Variants in ZNF705B observed in about 807,000 individuals in gnomAD.
The protein encoded by ZNF705B is Putative zinc finger protein 705D-like protein LOC100132396.
Under a neutral mutation model 10.5 loss-of-function variants are expected in ZNF705B, and 1 was observed. The observed-to-expected ratio is 0.10, with a 90% CI of 0.03 to 0.45. The LOEUF is 0.45. Among genes scored for constraint, ZNF705B ranks in the 20% least tolerant of loss-of-function variants. The pLI is 0.97. For synonymous variants in ZNF705B, 4 were observed against 25.4 expected, an observed-to-expected ratio of 0.16 and a Z score of 2.53; for missense variants, 14 against 84.0, an observed-to-expected ratio of 0.17 and a Z score of 3.26.
chr8:7,935,863 C>A (rs2698894), intron 2 of ZNF705B, among the ~76,000 whole-genome samples: 54 of 76,514 alleles, frequency 7.1e-4, no homozygotes, highest in South Asian at 2.5e-3. Flanking sequence ...TCAGCTATTA[C>A]GTATAGTAGT....
chr8:7,934,537 C>CGTCCCGACAGGAGCT, intron 2 of ZNF705B: 1 of 767,514 alleles, frequency 1.3e-6, no homozygotes, highest in Admixed American at 3.5e-5. Flanking sequence ...CGACAGGAGC[C>CGTCCCGACAGGAGCT]ATTTGGACGT....
intron 2 of ZNF705B, among the ~76,000 whole-genome samples, chr8:7,944,966 A>G (rs540382998): frequency 0.047 from 1,496 of 32,058 alleles, 17 homozygotes; most frequent in Middle Eastern, 0.075. Context: ...GTGAAACTCT[A>G]CCAAAAAAAA....
intron 2 of ZNF705B, among the ~76,000 whole-genome samples, chr8:7,936,757 T>A (rs1383396420): frequency 8.3e-6 from 1 of 119,936 alleles, no homozygotes; most frequent in African/African-American, 2.6e-5. Flanking sequence ...GAAAAGCTAC[T>A]CTTTGGGTAC....
intron 2 of ZNF705B, among the ~76,000 whole-genome samples, chr8:7,937,602 A>C (rs1820050852): frequency 8.2e-6 from 1 of 122,122 alleles, no homozygotes. Flanking sequence ...TGATTAAAAA[A>C]AATCAAACCC....
At position 7,928,393 on chromosome 8, in the gene ZNF705B, C is replaced by A. The variant is rs1458023581; in HGVS notation, c.-221-1894C>A. Among the ~76,000 whole-genome samples the A allele has an allele frequency of 2.5e-5, 3 of 120,984 alleles. 1 individual carries two copies. The highest frequency in any genetic ancestry group is 7.5e-5 in the African/African-American group (3 of 39,808). 79.4% of individuals were successfully genotyped at this position (120,984 alleles called of 152,430 possible). On this transcript the variant is annotated intron_variant, in intron 1 of 6. Coordinates refer to ENST00000400120, the MANE Select transcript of ZNF705B (RefSeq NM_001193630.1). Reference sequence around the variant, plus strand: ...TCATTCATGTATTGATTCTTTCATTCAAGTGTCATTTGTTTAAACAAATAC... The same window carrying A: ...TCATTCATGTATTGATTCTTTCATTAAAGTGTCATTTGTTTAAACAAATAC...
At position 7,929,685 on chromosome 8, in the gene ZNF705B, T is replaced by G. The variant is rs191832391; in HGVS notation, c.-221-602T>G. ...AGCTTTTTCTCTCTAGCTGAATTGT[T>G]GTCGTTGTTGTTGTTCTTCTTCTTT... On this transcript the variant is annotated intron_variant, in intron 1 of 6. Coordinates refer to ENST00000400120, the MANE Select transcript of ZNF705B (RefSeq NM_001193630.1). Among the ~76,000 whole-genome samples the G allele has an allele frequency of 4.2e-4, 49 of 117,570 alleles. 9 individuals carry two copies. In the East Asian group the frequency reaches 0.012, roughly 28 times the overall value. 77.1% of individuals were successfully genotyped at this position (117,570 alleles called of 152,430 possible).
At chr8:7,929,143 T>A (rs1206238208) in intron 1 of ZNF705B, among the ~76,000 whole-genome samples, 1 of 121,728 alleles carries the variant, frequency 8.2e-6, no homozygotes, top group African/African-American at 2.5e-5. Flanking sequence ...ATGTAGCACT[T>A]TCATATCTTG....
rs1217215054 is a variant in ZNF705B, at chr8:7,946,113, A to G, written c.-71-1238A>G. Among the ~76,000 whole-genome samples the G allele has an allele frequency of 1.5e-3, 5 of 3,388 alleles. 2 individuals are homozygous for G. The highest frequency in any genetic ancestry group is 1.6e-3 in the African/African-American group (5 of 3,192). The allele number at this position is 3,388 out of a possible 152,430, so 2.2% of individuals were successfully genotyped here. On this transcript the variant is annotated intron_variant, in intron 2 of 6. Coordinates refer to ENST00000400120, the MANE Select transcript of ZNF705B (RefSeq NM_001193630.1). ...TTTATATTTTTAGCAAGGAAATAATACATGCATGTTTCCCCGTCTCAAACA... is the reference window on the plus strand; with the variant it reads ...TTTATATTTTTAGCAAGGAAATAATGCATGCATGTTTCCCCGTCTCAAACA...
chr8:7,931,172 G>A (rs1347052574), intron 2 of ZNF705B, among the ~76,000 whole-genome samples: 1 of 121,198 alleles, frequency 8.3e-6, no homozygotes, highest in African/African-American at 2.5e-5. Context: ...CAGTGACAGT[G>A]GTGAGCTCGG....
intron 2 of ZNF705B, among the ~76,000 whole-genome samples, chr8:7,937,687 C>T (rs1423808674): frequency 1.8e-5 from 2 of 113,602 alleles, no homozygotes; most frequent in African/African-American, 5.2e-5. Context: ...GGATAATAAT[C>T]TTATGTCAGT....
chr8:7,929,594 G>A (rs1296077287), intron 1 of ZNF705B, among the ~76,000 whole-genome samples: 8 of 123,498 alleles, frequency 6.5e-5, no homozygotes, highest in Admixed American at 4.5e-4. Flanking sequence ...GTAATCATGA[G>A]TCCATAGATG....
intron 2 of ZNF705B, among the ~76,000 whole-genome samples, chr8:7,931,787 G>T (rs1157748364): frequency 7.6e-6 from 1 of 131,060 alleles, no homozygotes; most frequent in Non-Finnish European, 1.8e-5. Flanking sequence ...AGCTCCCTTT[G>T]TTCTGGGGGC....
intron 2 of ZNF705B, among the ~76,000 whole-genome samples, chr8:7,940,980 G>T (rs1403722308): frequency 4.7e-5 from 7 of 148,696 alleles, no homozygotes; most frequent in African/African-American, 1.5e-4. Flanking sequence ...GAGAATAATG[G>T]CTTCCAGCTC....
chr8:7,937,834 A>G (rs2128943876), intron 2 of ZNF705B, among the ~76,000 whole-genome samples: 1 of 96,854 alleles, frequency 1.0e-5, no homozygotes, highest in Middle Eastern at 5.2e-3. Flanking sequence ...ATATTAAAAC[A>G]AAGTGTTGAC....
At position 7,928,217 on chromosome 8, in the gene ZNF705B, C is replaced by A. The variant is rs1354743558; in HGVS notation, c.-222+1820C>A. Among the ~76,000 whole-genome samples, 139 of 112,868 alleles carry A rather than the reference C, an allele frequency of 1.2e-3. 4 individuals are homozygous for A. Among genetic ancestry groups the A allele is most frequent in the African/African-American group, 3.6e-3 (138 of 38,192 alleles). 74.0% of individuals were successfully genotyped at this position (112,868 alleles called of 152,430 possible). On this transcript the variant is annotated intron_variant, in intron 1 of 6. Transcript: ENST00000400120. ...CAATCCCATCACAAGGACTTCAGCT[C>A]CACGACTTAATCACCTCCTCAAAGC...
Position 7,936,550 on chromosome 8 carries a change from A to C in ZNF705B, c.-72+6114A>C, listed in dbSNP as rs561206181. ...GGAATACTATGCATCCATAAAAAGA[A>C]CAAAATTGTGTCCTTTTCAGCAACA... On this transcript the variant is annotated intron_variant, in intron 2 of 6. Transcript: ENST00000400120. Among the ~76,000 whole-genome samples, 132 of 120,310 alleles carry C rather than the reference A, an allele frequency of 1.1e-3. 4 individuals carry two copies. Among genetic ancestry groups the C allele is most frequent in the African/African-American group, 3.2e-3 (126 of 39,382 alleles). 78.9% of individuals were successfully genotyped at this position (120,310 alleles called of 152,430 possible).
At chr8:7,927,954 C>T (rs1484780962) in intron 1 of ZNF705B, among the ~76,000 whole-genome samples, 6 of 138,756 alleles carry the variant, frequency 4.3e-5, no homozygotes, top group Admixed American at 7.6e-5. Context: ...TTCCTCCCTG[C>T]CTTCCTTCCT....
intron 2 of ZNF705B, among the ~76,000 whole-genome samples, chr8:7,940,503 C>T (rs1820120406): frequency 8.7e-6 from 1 of 115,394 alleles, no homozygotes; most frequent in African/African-American, 2.8e-5. Flanking sequence ...ATACAGTATT[C>T]TTAGCTGTAA....
intron 2 of ZNF705B, among the ~76,000 whole-genome samples, chr8:7,932,568 T>C (rs1478470386): frequency 8.2e-6 from 1 of 121,416 alleles, no homozygotes; most frequent in African/African-American, 2.5e-5. Context: ...TGCAAAAATA[T>C]ATTAAAGGGT....
Sources: allele counts gnomAD v4.1 joint callset (sites outside exome capture counted in the v4.1 genomes callset), GRCh38; gene constraint gnomAD v4.1.1; transcripts MANE v1.5; gene names NCBI Gene and HGNC (gene_info 2026-07-23, HGNC 2026-07-21).